Variants in TMEM150C observed in about 807,000 individuals in gnomAD.
TMEM150C encodes tentonin 3.
TMEM150C carries 10 observed loss-of-function variants against 29.9 expected under a neutral mutation model. That is an observed-to-expected ratio of 0.33 (90% CI 0.21 to 0.57). TMEM150C has a LOEUF of 0.57. TMEM150C is among the 20% of genes least tolerant of loss of function. The probability of loss-of-function intolerance (pLI) is 0.88; values close to 1 mark genes in which losing one functional copy is unlikely to be tolerated. For missense variants in TMEM150C, 251 were observed against 303.6 expected, an observed-to-expected ratio of 0.83 and a Z score of 1.29; for synonymous variants, 101 against 112.5, an observed-to-expected ratio of 0.90 and a Z score of 0.64.
At chr4:82,548,707 T>C (rs1187861931) in intron 1 of TMEM150C, among the ~76,000 whole-genome samples, 1 of 152,026 alleles carries the variant, frequency 6.6e-6, no homozygotes, top group Non-Finnish European at 1.5e-5. Context: ...ACCAGGGAGC[T>C]CCAAAGAGAG....
chr4:82,502,209 T>A (rs1226528395), intron 5 of TMEM150C, among the ~76,000 whole-genome samples: 1 of 152,188 alleles, frequency 6.6e-6, no homozygotes, highest in Non-Finnish European at 1.5e-5. Flanking sequence ...ACTAAAGGTT[T>A]CTTCTTTTTA....
intron 1 of TMEM150C, among the ~76,000 whole-genome samples, chr4:82,516,493 C>T (rs923902760): frequency 6.6e-6 from 1 of 152,182 alleles, no homozygotes; most frequent in African/African-American, 2.4e-5. Context: ...GTTTTCTCAT[C>T]TATAAAATGG....
intron 1 of TMEM150C, among the ~76,000 whole-genome samples, chr4:82,505,985 T>G (rs748876788): frequency 6.6e-6 from 1 of 152,212 alleles, no homozygotes; most frequent in East Asian, 1.9e-4. Flanking sequence ...TAACCTCCAC[T>G]GGGGACCTGA....
At chr4:82,538,213 A>G (rs1436870966) in intron 1 of TMEM150C, among the ~76,000 whole-genome samples, 2 of 152,052 alleles carry the variant, frequency 1.3e-5, no homozygotes, top group East Asian at 1.9e-4. Flanking sequence ...ACCCACCACC[A>G]CGCCTGGCTA....
At chr4:82,491,290 G>T in intron 6 of TMEM150C, 1 of 679,806 alleles carries the variant, frequency 1.5e-6, no homozygotes, top group Non-Finnish European at 2.7e-6. Flanking sequence ...AACAGCTTCT[G>T]CTTCTTCTCT....
intron 1 of TMEM150C, among the ~76,000 whole-genome samples, chr4:82,555,027 C>A (rs1725697120): frequency 6.6e-6 from 1 of 152,190 alleles, no homozygotes; most frequent in Admixed American, 6.5e-5. Context: ...GTCTACCTGA[C>A]AAAGTCTATG....
At chr4:82,492,654 C>T (rs1197495215) in intron 6 of TMEM150C, among the ~76,000 whole-genome samples, 1 of 151,160 alleles carries the variant, frequency 6.6e-6, no homozygotes, top group Admixed American at 6.6e-5. Context: ...AATATATATC[C>T]ATCACTTAAA....
rs936478777 is a variant in TMEM150C, at chr4:82,504,783, C to T, written c.-10-116G>A. ...CGGTGGCTTACACCTGTAATCCCAGCACTTTGGGAGGCCGAGGTGGGCGGA... is the reference window on the plus strand; with the variant it reads ...CGGTGGCTTACACCTGTAATCCCAGTACTTTGGGAGGCCGAGGTGGGCGGA... On this transcript the variant is annotated intron_variant, in intron 1 of 7. Coordinates refer to ENST00000449862, the MANE Select transcript of TMEM150C (RefSeq NM_001080506.3). The T allele has an allele frequency of 2.7e-5, 20 of 741,092 alleles. No individual in the cohort carries two copies. The Admixed American group carries it at 4.2e-4, about 16-fold the overall frequency. The allele number at this position is 741,092 out of a possible 1,614,324, so 45.9% of individuals were successfully genotyped here. A position where few individuals can be genotyped will look rare whatever the true frequency, so the allele number is the denominator to read the frequency against.
chr4:82,536,661 A>G lies in TMEM150C; in HGVS notation c.-11+25245T>C, dbSNP rs993495006. ...GGAGGCAGAGGTGGGAGGATCGCTT[A>G]AGCCCAGGAGTTGGAGACCAGCCTG... On this transcript the variant is annotated intron_variant, in intron 1 of 7. Transcript: ENST00000449862. Among the ~76,000 whole-genome samples the G allele has an allele frequency of 1.2e-4, 19 of 152,214 alleles. No homozygotes were observed. The South Asian group carries it at 1.5e-3, about 12-fold the overall frequency.
At chr4:82,509,160 T>A (rs948368078) in intron 1 of TMEM150C, among the ~76,000 whole-genome samples, 3 of 152,220 alleles carry the variant, frequency 2.0e-5, no homozygotes, top group African/African-American at 4.8e-5. Context: ...TTTTACTCAA[T>A]CTGTGGTGTG....
intron 1 of TMEM150C, among the ~76,000 whole-genome samples, chr4:82,537,079 T>C (rs1725035690): frequency 1.3e-5 from 2 of 152,130 alleles, no homozygotes; most frequent in Non-Finnish European, 2.9e-5. Flanking sequence ...CCTCCCAGGT[T>C]CACACCATTC....
chr4:82,489,641 T>C (rs1276377142), intron 7 of TMEM150C, among the ~76,000 whole-genome samples: 1 of 152,176 alleles, frequency 6.6e-6, no homozygotes, highest in Non-Finnish European at 1.5e-5. Context: ...TATAAATGTA[T>C]TGGTCCTCTG....
At chr4:82,503,843 C>T (rs974475689) in intron 2 of TMEM150C, among the ~76,000 whole-genome samples, 3 of 150,816 alleles carry the variant, frequency 2.0e-5, no homozygotes, top group South Asian at 2.1e-4. Context: ...AGCAAGACTC[C>T]GTCTCAAAAA....
chr4:82,532,950 G>A (rs911819590), intron 1 of TMEM150C, among the ~76,000 whole-genome samples: 3 of 152,014 alleles, frequency 2.0e-5, no homozygotes, highest in South Asian at 2.1e-4. Flanking sequence ...GGATGGTCTC[G>A]ATCTCCTGAC....
At position 82,523,883 on chromosome 4, in the gene TMEM150C, T is replaced by C. The variant is rs576726946; in HGVS notation, c.-10-19216A>G. On this transcript the variant is annotated intron_variant, in intron 1 of 7. Coordinates refer to ENST00000449862, the MANE Select transcript of TMEM150C (RefSeq NM_001080506.3). ...AGTGGAGATGGGGGGGGTTTCACCA[T>C]GTTGGCCAGGCTGGTCTTGAACTCC... Among the ~76,000 whole-genome samples, 4 of 150,304 alleles carry C rather than the reference T, an allele frequency of 2.7e-5. No homozygotes were observed. The South Asian group carries it at 6.7e-4, about 25-fold the overall frequency.
chr4:82,496,310 C>G, intron 5 of TMEM150C, 115 bp from the exon 6 acceptor site: 1 of 1,085,470 alleles, frequency 9.2e-7, no homozygotes, highest in Non-Finnish European at 1.3e-6. Context: ...AGGTAAGAGG[C>G]AGAATTCTAA....
intron 1 of TMEM150C, among the ~76,000 whole-genome samples, chr4:82,519,371 A>G (rs1248902193): frequency 6.6e-6 from 1 of 152,016 alleles, no homozygotes; most frequent in African/African-American, 2.4e-5. Context: ...AATCTCAGAT[A>G]GTAACAAACT....
intron 1 of TMEM150C, among the ~76,000 whole-genome samples, chr4:82,543,946 A>T (rs1725273867): frequency 6.6e-6 from 1 of 152,186 alleles, no homozygotes; most frequent in Non-Finnish European, 1.5e-5. Flanking sequence ...CTCCTTTGAT[A>T]CATAAGAAAA....
rs1481471732 is a variant in TMEM150C, at chr4:82,539,280, T to G, written c.-11+22626A>C. ...TGAATGAATACTATTATCATGATCA[T>G]TAATGCTGTTCTGGCCGTTTTTACC... On this transcript the variant is annotated intron_variant, in intron 1 of 7. Coordinates refer to ENST00000449862, the MANE Select transcript of TMEM150C (RefSeq NM_001080506.3). Among the ~76,000 whole-genome samples the G allele has an allele frequency of 5.9e-5, 9 of 152,270 alleles. No homozygotes were observed. The East Asian group carries it at 1.7e-3, about 29-fold the overall frequency.
Sources: gnomAD v4.1 joint callset for allele counts (sites outside exome capture counted in the v4.1 genomes callset) on GRCh38, gnomAD v4.1.1 for gene constraint, MANE v1.5 for transcripts, NCBI Gene and HGNC (gene_info 2026-07-23, HGNC 2026-07-21) for gene names.